The following PDE3B variants were observed in gnomAD, a reference collection of about 807,000 sequenced individuals.
PDE3B encodes cGMP-inhibited 3',5'-cyclic phosphodiesterase 3B.
Under a neutral mutation model 116.8 loss-of-function variants are expected in PDE3B, and 66 were observed. That is an observed-to-expected ratio of 0.56 (90% CI 0.46 to 0.69). The LOEUF (loss-of-function observed/expected upper bound fraction) is 0.69, where lower values mean the gene tolerates loss of function less well. Among genes scored for constraint, PDE3B ranks in the 30% least tolerant of loss-of-function variants. The probability of loss-of-function intolerance (pLI) is 0.00; values close to 1 mark genes in which losing one functional copy is unlikely to be tolerated. For synonymous variants in PDE3B, 595 were observed against 533.6 expected, an observed-to-expected ratio of 1.12 and a Z score of -1.59; for missense variants, 1,384 against 1,368.1, an observed-to-expected ratio of 1.01 and a Z score of -0.18.
intron 1 of PDE3B, among the ~76,000 whole-genome samples, chr11:14,645,797 A>T (rs908300906): frequency 1.3e-5 from 2 of 152,014 alleles, no homozygotes; most frequent in Non-Finnish European, 2.9e-5. Flanking sequence ...AGGGATTGAA[A>T]TCATTAGCAA....
intron 7 of PDE3B, among the ~76,000 whole-genome samples, chr11:14,830,207 A>C (rs1011313262): frequency 6.6e-6 from 1 of 152,190 alleles, no homozygotes; most frequent in Non-Finnish European, 1.5e-5. Context: ...CTATTTAGCT[A>C]TGAATACTGC....
At chr11:14,812,838 A>G (rs187569232) in intron 5 of PDE3B, among the ~76,000 whole-genome samples, 1 of 152,224 alleles carries the variant, frequency 6.6e-6, no homozygotes, top group East Asian at 1.9e-4. Context: ...CCTCACTTAC[A>G]CCCCAATTCA....
chr11:14,656,836 A>G (rs1032150759), intron 1 of PDE3B, among the ~76,000 whole-genome samples: 3 of 152,198 alleles, frequency 2.0e-5, no homozygotes, highest in African/African-American at 4.8e-5. Flanking sequence ...CTCTAAATCA[A>G]TGGTAAAACG....
chr11:14,778,240 C>A (rs1231078832), intron 2 of PDE3B, among the ~76,000 whole-genome samples: 1 of 152,214 alleles, frequency 6.6e-6, no homozygotes, highest in Non-Finnish European at 1.5e-5. Context: ...CCTCTGGGGG[C>A]AGGGCATAGC....
chr11:14,724,020 T>A (rs1856205422), intron 1 of PDE3B, among the ~76,000 whole-genome samples: 2 of 152,212 alleles, frequency 1.3e-5, no homozygotes, highest in South Asian at 4.1e-4. Context: ...AATATCATTG[T>A]AGTTAAAATA....
At chr11:14,862,511 C>T (rs971357742) in intron 14 of PDE3B, among the ~76,000 whole-genome samples, 1 of 152,164 alleles carries the variant, frequency 6.6e-6, no homozygotes, top group Admixed American at 6.5e-5. Flanking sequence ...CAGAGGGCTA[C>T]AAAATGGAGA....
chr11:14,783,422 T>C (rs1250526324), intron 2 of PDE3B, among the ~76,000 whole-genome samples: 1 of 152,210 alleles, frequency 6.6e-6, no homozygotes, highest in Non-Finnish European at 1.5e-5. Flanking sequence ...TGGAATACTA[T>C]GCAGCCATAA....
chr11:14,884,009 A>G, the PDE3B span, among the ~76,000 whole-genome samples: 1 of 152,088 alleles, frequency 6.6e-6, no homozygotes, highest in Non-Finnish European at 1.5e-5. Flanking sequence ...TAGAATGGCA[A>G]TCATTAAAAA....
chr11:14,673,294 G>A (rs377619265), intron 1 of PDE3B, among the ~76,000 whole-genome samples: 1 of 151,690 alleles, frequency 6.6e-6, no homozygotes, highest in Non-Finnish European at 1.5e-5. Context: ...TAGTGTCAAA[G>A]GAATAGAACC....
chr11:14,704,950 T>A (rs1378495203), intron 1 of PDE3B, among the ~76,000 whole-genome samples: 1 of 151,686 alleles, frequency 6.6e-6, no homozygotes, highest in Admixed American at 6.6e-5. Flanking sequence ...AAAATATTTA[T>A]AATACATATA....
intron 1 of PDE3B, among the ~76,000 whole-genome samples, chr11:14,768,333 T>C (rs541532869): frequency 4.6e-4 from 70 of 151,696 alleles, no homozygotes; most frequent in African/African-American, 1.6e-3. Flanking sequence ...TCCCTGTATG[T>C]CACTCCTGGA....
the PDE3B span, among the ~76,000 whole-genome samples, chr11:14,881,361 C>G: frequency 6.6e-6 from 1 of 152,030 alleles, no homozygotes; most frequent in African/African-American, 2.4e-5. Flanking sequence ...CTGATATTGC[C>G]TGCCTTAAAA....
chr11:14,868,079 T>C (rs1555008395), intron 15 of PDE3B, among the ~76,000 whole-genome samples: 1 of 152,226 alleles, frequency 6.6e-6, no homozygotes, highest in African/African-American at 2.4e-5. Flanking sequence ...GTCATTACAT[T>C]GAGTAACCAC....
At chr11:14,754,592 A>G (rs1257244457) in intron 1 of PDE3B, among the ~76,000 whole-genome samples, 1 of 152,202 alleles carries the variant, frequency 6.6e-6, no homozygotes, top group African/African-American at 2.4e-5. Context: ...ACTTTTGTAT[A>G]TGACAACGTT....
chr11:14,880,474 G>A, the PDE3B span: 1 of 1,613,470 alleles, frequency 6.2e-7, no homozygotes, highest in Admixed American at 1.7e-5. Flanking sequence ...GGCACTGGCA[G>A]CTAGTTCCAC....
intron 1 of PDE3B, among the ~76,000 whole-genome samples, chr11:14,664,199 A>G (rs1854042576): frequency 6.6e-6 from 1 of 152,240 alleles, no homozygotes; most frequent in Admixed American, 6.5e-5. Flanking sequence ...GCAGAAATAA[A>G]GATGTTCTTT....
At chr11:14,798,525 C>A (rs1299618644) in intron 4 of PDE3B, among the ~76,000 whole-genome samples, 1 of 152,058 alleles carries the variant, frequency 6.6e-6, no homozygotes, top group East Asian at 1.9e-4. Context: ...CCTCTTTGTA[C>A]CTGTCGTAGA....
At chr11:14,827,042 C>T (rs1012935572) in intron 7 of PDE3B, among the ~76,000 whole-genome samples, 3 of 152,196 alleles carry the variant, frequency 2.0e-5, no homozygotes, top group African/African-American at 7.2e-5. Context: ...CCTGATTCAT[C>T]ACATAAACAG....
At chr11:14,787,868 T>C (rs1858261235) in intron 3 of PDE3B, among the ~76,000 whole-genome samples, 1 of 151,896 alleles carries the variant, frequency 6.6e-6, no homozygotes, top group South Asian at 2.1e-4. Context: ...TTTCTGTTGA[T>C]ATTTGATACT....
Sources: gnomAD v4.1 joint callset for allele counts (sites outside exome capture counted in the v4.1 genomes callset) on GRCh38, gnomAD v4.1.1 for gene constraint, MANE v1.5 for transcripts, NCBI Gene and HGNC (gene_info 2026-07-23, HGNC 2026-07-21) for gene names.